Variants in DIXDC1 observed in about 807,000 individuals in gnomAD.
DIXDC1 encodes dixin.
In DIXDC1, 64 loss-of-function variants were observed where a neutral mutation model predicts 103.1. The observed-to-expected ratio is 0.62, with a 90% CI of 0.51 to 0.76. The LOEUF (loss-of-function observed/expected upper bound fraction) is 0.76, where lower values mean the gene tolerates loss of function less well. DIXDC1 is among the 30% of genes least tolerant of loss of function. DIXDC1 has a pLI of 0.00. For missense variants in DIXDC1, 759 were observed against 834.2 expected (o/e 0.91, Z 1.11); for synonymous variants, 266 against 298.5 (o/e 0.89, Z 1.12).
chr11:111,945,019 T>G (rs1555169226), intron 1 of DIXDC1, among the ~76,000 whole-genome samples: 2 of 152,170 alleles, frequency 1.3e-5, no homozygotes, highest in African/African-American at 4.8e-5. Context: ...AAACCCAACT[T>G]GAACTAGCAG....
chr11:111,986,595 C>T (rs954338630), intron 8 of DIXDC1, among the ~76,000 whole-genome samples: 4 of 152,026 alleles, frequency 2.6e-5, no homozygotes. Context: ...AACACCTGAC[C>T]TCAAGTGATC....
chr11:111,940,828 T>C (rs1319816880), intron 1 of DIXDC1, among the ~76,000 whole-genome samples: 7 of 152,214 alleles, frequency 4.6e-5, no homozygotes, highest in African/African-American at 1.7e-4. Flanking sequence ...GTCTGGTACA[T>C]GCATGCAAGC....
chr11:111,946,179 G>C (rs587695573), intron 1 of DIXDC1, among the ~76,000 whole-genome samples: 199 of 151,520 alleles, frequency 1.3e-3, no homozygotes, highest in Admixed American at 2.6e-3. Context: ...TGCGATCTCG[G>C]CTCACTGCAA....
intron 1 of DIXDC1, among the ~76,000 whole-genome samples, chr11:111,954,038 T>C (rs1245409406): frequency 2.6e-5 from 4 of 152,220 alleles, no homozygotes; most frequent in Admixed American, 2.0e-4. Context: ...AGACAGTTTT[T>C]CCATGGACCA....
intron 14 of DIXDC1, among the ~76,000 whole-genome samples, chr11:111,994,249 G>A (rs1001114589): frequency 4.6e-5 from 7 of 152,048 alleles, no homozygotes; most frequent in Non-Finnish European, 8.8e-5. Context: ...TTAGCCAGGC[G>A]TGGTGGTGGA....
intron 1 of DIXDC1, among the ~76,000 whole-genome samples, chr11:111,929,189 A>T (rs1198577300): frequency 6.6e-6 from 1 of 152,150 alleles, no homozygotes; most frequent in Admixed American, 6.5e-5. Context: ...CCCAACAAAA[A>T]AAAGAATTAC....
intron 7 of DIXDC1, among the ~76,000 whole-genome samples, chr11:111,983,647 A>G (rs1566528714): frequency 6.6e-6 from 1 of 152,198 alleles, no homozygotes; most frequent in Non-Finnish European, 1.5e-5. Flanking sequence ...TTTGCATTAT[A>G]TGAACATAGA....
intron 19 of DIXDC1, 132 bp downstream of exon 19, chr11:112,018,017 A>G: frequency 1.6e-6 from 1 of 619,152 alleles, no homozygotes; most frequent in Non-Finnish European, 2.8e-6. Flanking sequence ...AGAGCCTCAG[A>G]CCATGGTCTG....
chr11:111,950,936 G>T (rs1555169911), intron 1 of DIXDC1, among the ~76,000 whole-genome samples: 2 of 152,074 alleles, frequency 1.3e-5, no homozygotes, highest in African/African-American at 4.8e-5. Flanking sequence ...GCTGCCTATA[G>T]TCACCCTTCT....
chr11:111,975,357 T>G (rs1314070220), intron 5 of DIXDC1: 12 of 1,066,642 alleles, frequency 1.1e-5, no homozygotes, highest in Non-Finnish European at 1.4e-5. Context: ...GTGTAACTCT[T>G]AAGGCCGGAA....
At chr11:111,967,101 C>A (rs73560089) in intron 2 of DIXDC1, among the ~76,000 whole-genome samples, 1 of 151,808 alleles carries the variant, frequency 6.6e-6, no homozygotes, top group African/African-American at 2.4e-5. Context: ...CCTCTAATCC[C>A]GGAGTGCTGC....
intron 2 of DIXDC1, among the ~76,000 whole-genome samples, chr11:111,931,335 T>C (rs145064138): frequency 6.6e-6 from 1 of 151,636 alleles, no homozygotes; most frequent in South Asian, 2.1e-4. Context: ...TGAGACACTG[T>C]CTCAAAAAAA....
chr11:111,934,018 G>T (rs374145183), upstream of DIXDC1, among the ~76,000 whole-genome samples: 1 of 152,256 alleles, frequency 6.6e-6, no homozygotes, highest in African/African-American at 2.4e-5. Context: ...AGTAAAAATA[G>T]ATTTACATTT....
Position 112,018,942 on chromosome 11 carries a change from GT to G in DIXDC1, c.1972-7del. On this transcript the variant is annotated splice_polypyrimidine_tract_variant and intron_variant, in intron 19 of 19. Transcript: ENST00000440460. Reference sequence around the variant, plus strand: ...CCCTGTTTTTTCACTGTGGCTTTTTGTTTTTTTCTCTAGATTTTCCATGATG... The same window carrying G: ...CCCTGTTTTTTCACTGTGGCTTTTTGTTTTTTCTCTAGATTTTCCATGATG... The G allele has an allele frequency of 6.2e-7, 1 of 1,600,022 alleles. No individual in the cohort carries two copies. The highest frequency in any genetic ancestry group is 8.5e-7 in the Non-Finnish European group (1 of 1,171,448).
chr11:111,937,149 G>T, upstream of DIXDC1: 1 of 844,158 alleles, frequency 1.2e-6, no homozygotes, highest in African/African-American at 2.0e-5. Context: ...GGGTGTGCGC[G>T]TGCGTGCGGG....
At chr11:111,932,396 A>G (rs1367942119), upstream of DIXDC1, among the ~76,000 whole-genome samples, 1 of 151,788 alleles carries the variant, frequency 6.6e-6, no homozygotes, top group Non-Finnish European at 1.5e-5. Context: ...AAGAAAAAAA[A>G]TCCATAACCC....
intron 1 of DIXDC1, among the ~76,000 whole-genome samples, chr11:111,950,410 GTATATATATATATATA>G (rs1555169787): frequency 1.4e-3 from 35 of 25,040 alleles, no homozygotes; most frequent in African/African-American, 3.3e-3. Flanking sequence ...TACAAAGTAG[GTATATATATATATATA>G]TATATATATA....
intron 10 of DIXDC1, among the ~76,000 whole-genome samples, chr11:111,990,744 C>T (rs782126449): frequency 3.3e-5 from 5 of 151,996 alleles, no homozygotes; most frequent in African/African-American, 4.8e-5. Context: ...CTTGCTCTGT[C>T]GCCCAGAGCT....
At chr11:112,015,541 C>T (rs1046121823) in intron 17 of DIXDC1, 5 of 152,110 alleles carry the variant, frequency 3.3e-5, no homozygotes, top group African/African-American at 4.8e-5. Context: ...GTGGCCCATG[C>T]CTGTAATCCC....
Sources: gnomAD v4.1 joint callset for allele counts (sites outside exome capture counted in the v4.1 genomes callset) on GRCh38, gnomAD v4.1.1 for gene constraint, MANE v1.5 for transcripts, NCBI Gene and HGNC (gene_info 2026-07-23, HGNC 2026-07-21) for gene names.